The following THSD7A variants were observed in gnomAD, a reference collection of about 807,000 sequenced individuals.
The protein encoded by THSD7A is thrombospondin type 1 domain containing 7A.
In THSD7A, 96 loss-of-function variants were observed where a neutral mutation model predicts 231.3. The observed-to-expected ratio is 0.41, with a 90% confidence interval of 0.35 to 0.49. The LOEUF is 0.49. THSD7A is among the 20% of genes least tolerant of loss of function. The pLI is 0.05. For synonymous variants in THSD7A, 940 were observed against 743.3 expected (o/e 1.26, Z -4.30); for missense variants, 2,290 against 2,070.2 (o/e 1.11, Z -2.06).
intron 6 of THSD7A, among the ~76,000 whole-genome samples, chr7:11,516,965 A>G (rs1788055549): frequency 6.6e-6 from 1 of 152,210 alleles, no homozygotes; most frequent in Admixed American, 6.5e-5. Context: ...AATAAAAGAG[A>G]AAATAATAGT....
chr7:11,783,345 T>C (rs910215920), intron 1 of THSD7A, among the ~76,000 whole-genome samples: 2 of 152,176 alleles, frequency 1.3e-5, no homozygotes, highest in African/African-American at 4.8e-5. Context: ...ATATCTCATA[T>C]AATTTACTGA....
chr7:11,529,923 G>A (rs1429807386), intron 6 of THSD7A, among the ~76,000 whole-genome samples: 2 of 152,062 alleles, frequency 1.3e-5, no homozygotes, highest in East Asian at 1.9e-4. Flanking sequence ...GAACACACTA[G>A]GAACAATTCC....
chr7:11,496,527 AT>A (rs376488250), intron 6 of THSD7A, among the ~76,000 whole-genome samples: 8 of 152,186 alleles, frequency 5.3e-5, no homozygotes, highest in African/African-American at 1.7e-4. Flanking sequence ...GACATCCGTA[AT>A]TTTTTTCATG....
chr7:11,396,729 G>A (rs1171666097), intron 23 of THSD7A, among the ~76,000 whole-genome samples: 2 of 152,132 alleles, frequency 1.3e-5, no homozygotes, highest in Non-Finnish European at 2.9e-5. Context: ...CATTCTTTCT[G>A]AAACTACTCC....
intron 1 of THSD7A, among the ~76,000 whole-genome samples, chr7:11,772,607 CA>C (rs1238982413): frequency 6.6e-6 from 1 of 152,102 alleles, no homozygotes; most frequent in African/African-American, 2.4e-5. Context: ...GCAATTAATG[CA>C]GAAATGGAAA....
chr7:11,507,333 T>C (rs1057409427), intron 6 of THSD7A, among the ~76,000 whole-genome samples: 1 of 152,202 alleles, frequency 6.6e-6, no homozygotes, highest in African/African-American at 2.4e-5. Context: ...ACTGCAATTC[T>C]CACCAATACA....
intron 22 of THSD7A, 111 bp from the exon 23 acceptor site, chr7:11,402,079 A>G (rs937658670): frequency 2.6e-6 from 2 of 765,958 alleles, no homozygotes; most frequent in East Asian, 2.6e-5. Flanking sequence ...CCAGGCACAC[A>G]TAATATTTAT....
At chr7:11,603,733 A>G (rs1780633187) in intron 2 of THSD7A, among the ~76,000 whole-genome samples, 1 of 151,692 alleles carries the variant, frequency 6.6e-6, no homozygotes, top group Non-Finnish European at 1.5e-5. Flanking sequence ...TTGTAGGGAC[A>G]TGGATGAAAT....
chr7:11,570,437 G>A (rs1263825936), intron 4 of THSD7A, among the ~76,000 whole-genome samples: 2 of 152,110 alleles, frequency 1.3e-5, no homozygotes, highest in Non-Finnish European at 2.9e-5. Context: ...ACAGTTGGGT[G>A]ACTTTAGTTA....
At chr7:11,692,823 A>G in intron 1 of THSD7A, among the ~76,000 whole-genome samples, 1 of 151,588 alleles carries the variant, frequency 6.6e-6, no homozygotes, top group East Asian at 2.0e-4. Context: ...TACTAAAAAT[A>G]ATAATTATAA....
chr7:11,712,636 C>T (rs1781004535), intron 1 of THSD7A, among the ~76,000 whole-genome samples: 1 of 151,052 alleles, frequency 6.6e-6, no homozygotes, highest in African/African-American at 2.4e-5. Flanking sequence ...CCCAAATGAA[C>T]TTGATGTAAG....
At chr7:11,523,857 G>A (rs1305276287) in intron 6 of THSD7A, among the ~76,000 whole-genome samples, 1 of 151,976 alleles carries the variant, frequency 6.6e-6, no homozygotes, top group African/African-American at 2.4e-5. Flanking sequence ...TCATTCTTCT[G>A]CCTTTAGTAC....
At chr7:11,544,366 C>T (rs1401150019) in intron 4 of THSD7A, among the ~76,000 whole-genome samples, 1 of 151,958 alleles carries the variant, frequency 6.6e-6, no homozygotes, top group Admixed American at 6.6e-5. Context: ...TTTTCTTGGT[C>T]ACACATTTCC....
At chr7:11,765,690 G>C (rs10227669) in intron 1 of THSD7A, among the ~76,000 whole-genome samples, 6,399 of 152,034 alleles carry the variant, frequency 0.042, 455 homozygotes, top group African/African-American at 0.15. Context: ...GATTTCCTGG[G>C]AAACAAGCTG....
At chr7:11,626,934 T>C (rs1288014913) in intron 2 of THSD7A, among the ~76,000 whole-genome samples, 1 of 152,164 alleles carries the variant, frequency 6.6e-6, no homozygotes, top group Admixed American at 6.6e-5. Context: ...GGATATTCTT[T>C]TACATGTTCT....
chr7:11,440,601 C>T (rs1784773692), intron 13 of THSD7A, among the ~76,000 whole-genome samples: 1 of 151,902 alleles, frequency 6.6e-6, no homozygotes, highest in Admixed American at 6.6e-5. Flanking sequence ...TGAGGGGGTT[C>T]AAGACTTCAG....
intron 13 of THSD7A, 131 bp downstream of exon 13, chr7:11,445,930 A>T: frequency 9.1e-7 from 1 of 1,098,466 alleles, no homozygotes; most frequent in Non-Finnish European, 1.3e-6. Context: ...ATATATGTAT[A>T]GTGTGGTGCT....
chr7:11,476,318 TACACACAC>T (rs59127235), intron 7 of THSD7A, among the ~76,000 whole-genome samples: 2,040 of 137,378 alleles, frequency 0.015, 39 homozygotes, highest in African/African-American at 0.049. Context: ...CTCTGGAAGA[TACACACAC>T]ACACACACAC....
At chr7:11,491,985 T>C (rs1170755176) in intron 6 of THSD7A, among the ~76,000 whole-genome samples, 1 of 152,038 alleles carries the variant, frequency 6.6e-6, no homozygotes, top group East Asian at 1.9e-4. Flanking sequence ...CAATCTGTCC[T>C]GCAAATTATC....
Sources: gnomAD v4.1 joint callset for allele counts (sites outside exome capture counted in the v4.1 genomes callset) on GRCh38, gnomAD v4.1.1 for gene constraint, MANE v1.5 for transcripts, NCBI Gene and HGNC (gene_info 2026-07-23, HGNC 2026-07-21) for gene names.